The following SLCO1B3 variants were observed in gnomAD, a reference collection of about 807,000 sequenced individuals.
SLCO1B3 encodes solute carrier organic anion transporter family member 1B3.
Under a neutral mutation model 71.8 loss-of-function variants are expected in SLCO1B3, and 72 were observed. That is an observed-to-expected ratio of 1.00 (90% CI 0.83 to 1.22). The LOEUF (loss-of-function observed/expected upper bound fraction) is 1.22. Ranked by LOEUF, SLCO1B3 falls within the 50% of genes most tolerant of loss-of-function variation. The pLI, the probability that SLCO1B3 is intolerant of heterozygous loss-of-function variation, is 0.00. For synonymous variants in SLCO1B3, 298 were observed against 278.4 expected, an observed-to-expected ratio of 1.07 and a Z score of -0.70; for missense variants, 911 against 819.7, an observed-to-expected ratio of 1.11 and a Z score of -1.36.
chr12:20,861,907 A>G (rs984455620), intron 6 of SLCO1B3, among the ~76,000 whole-genome samples: 5 of 151,662 alleles, frequency 3.3e-5, no homozygotes, highest in African/African-American at 4.8e-5. Flanking sequence ...AGGACATTTC[A>G]TAATCACAGC....
intron 3 of SLCO1B3, among the ~76,000 whole-genome samples, chr12:20,826,400 A>G (rs1864422365): frequency 1.3e-5 from 2 of 152,000 alleles, no homozygotes; most frequent in Non-Finnish European, 2.9e-5. Context: ...AAAAAATTAA[A>G]ATCTCTTGTA....
intron 3 of SLCO1B3, among the ~76,000 whole-genome samples, chr12:20,840,785 G>T (rs1864781701): frequency 6.6e-6 from 1 of 152,072 alleles, no homozygotes; most frequent in Non-Finnish European, 1.5e-5. Flanking sequence ...TTTACCTCAG[G>T]TCAGTTAAGC....
At chr12:20,903,094 G>C (rs1052310105) in intron 15 of SLCO1B3, among the ~76,000 whole-genome samples, 29 of 126,890 alleles carry the variant, frequency 2.3e-4, no homozygotes, top group African/African-American at 7.5e-4. Context: ...AAAAATCAAT[G>C]CAAACATCAA....
chr12:20,816,456 G>A (rs183752439), intron 3 of SLCO1B3, among the ~76,000 whole-genome samples: 3 of 152,066 alleles, frequency 2.0e-5, no homozygotes, highest in South Asian at 4.1e-4. Flanking sequence ...AACATGCAAT[G>A]TTTGTCTTTC....
chr12:20,877,086 C>G (rs1004221096), intron 9 of SLCO1B3, among the ~76,000 whole-genome samples: 4 of 152,142 alleles, frequency 2.6e-5, no homozygotes, highest in Non-Finnish European at 5.9e-5. Flanking sequence ...CTGCCTTGGC[C>G]TCCCAAAGTG....
chr12:20,850,255 AT>A (rs1555154814), intron 3 of SLCO1B3, among the ~76,000 whole-genome samples: 9 of 124,396 alleles, frequency 7.2e-5, no homozygotes, highest in Non-Finnish European at 1.2e-4. Context: ...TATTATTATT[AT>A]TTTATTTATT....
intron 3 of SLCO1B3, among the ~76,000 whole-genome samples, chr12:20,825,351 G>A (rs892306818): frequency 3.9e-5 from 6 of 152,110 alleles, no homozygotes; most frequent in Admixed American, 2.0e-4. Context: ...GGGTTCAGCA[G>A]TTTTAATTTC....
At position 20,860,997 on chromosome 12, in the gene SLCO1B3, A is replaced by G; in HGVS notation, c.360-20A>G. 6.5e-7 allele frequency: 1 copy of G among 1,545,974 alleles called. No homozygotes were observed. The highest frequency in any genetic ancestry group is 8.8e-7 in the Non-Finnish European group (1 of 1,142,346). Reference sequence around the variant, plus strand: ...ATTCAGTAGATAAGCAAAATGTTCAATTTCATGTTGCTCTTACAGTTATAG... The same window carrying G: ...ATTCAGTAGATAAGCAAAATGTTCAGTTTCATGTTGCTCTTACAGTTATAG... On this transcript the variant is annotated intron_variant, in intron 5 of 15. Coordinates refer to ENST00000381545, the MANE Select transcript of SLCO1B3 (RefSeq NM_019844.4).
intron 3 of SLCO1B3, among the ~76,000 whole-genome samples, chr12:20,816,608 A>G (rs1864199006): frequency 6.6e-6 from 1 of 152,168 alleles, no homozygotes; most frequent in Admixed American, 6.5e-5. Flanking sequence ...GCTGATGCAC[A>G]CTTACATTGC....
In SLCO1B3 at chr12:20,855,027, G is replaced by A. The variant is rs755205344; in HGVS notation, c.85-1G>A. 1 of 1,608,360 alleles carries A rather than the reference G, an allele frequency of 6.2e-7. No homozygotes were observed. The highest frequency in any genetic ancestry group is 1.3e-5 in the African/African-American group (1 of 74,408). On this transcript the variant is annotated splice_acceptor_variant, in intron 3 of 15. Transcript: ENST00000381545. LOFTEE classifies it high-confidence loss of function. ...TTCATTTTTTCTTCTATTGTTTTTA[G>A]ATGTTCTTGGCAGCCCTGTCATTCA...
At chr12:20,878,795 T>A (rs1468764788) in intron 10 of SLCO1B3, among the ~76,000 whole-genome samples, 1 of 152,142 alleles carries the variant, frequency 6.6e-6, no homozygotes, top group Non-Finnish European at 1.5e-5. Flanking sequence ...GGAAAAAATG[T>A]AACAGGGATC....
chr12:20,827,615 G>A (rs569020719), intron 3 of SLCO1B3, among the ~76,000 whole-genome samples: 11 of 151,706 alleles, frequency 7.3e-5, no homozygotes, highest in African/African-American at 1.2e-4. Flanking sequence ...TCCGTTGCCC[G>A]GGCTGGAGTG....
chr12:20,878,694 TAAA>T (rs1260414945), intron 10 of SLCO1B3, among the ~76,000 whole-genome samples: 1 of 152,150 alleles, frequency 6.6e-6, no homozygotes, highest in African/African-American at 2.4e-5. Context: ...GATTTAAACT[TAAA>T]AGATTCAGTT....
intron 3 of SLCO1B3, among the ~76,000 whole-genome samples, chr12:20,844,189 A>C (rs886931452): frequency 6.6e-6 from 1 of 151,984 alleles, no homozygotes; most frequent in African/African-American, 2.4e-5. Context: ...GTATACCTTA[A>C]ACTTAAAGAT....
intron 4 of SLCO1B3, among the ~76,000 whole-genome samples, chr12:20,856,625 T>G (rs1219508641): frequency 1.3e-5 from 2 of 152,186 alleles, no homozygotes; most frequent in African/African-American, 4.8e-5. Flanking sequence ...AGTGCCCTGA[T>G]GTCATCTCAC....
chr12:20,813,197 C>A lies in SLCO1B3; in HGVS notation c.-180-327C>A, dbSNP rs558490903. ...ATTCATGCATTATCCACTAAATATG[C>A]ATGATATATATTTATGGTTTTTATG... On this transcript the variant is annotated intron_variant, in intron 1 of 15. Coordinates refer to ENST00000381545, the MANE Select transcript of SLCO1B3 (RefSeq NM_019844.4). Among the ~76,000 whole-genome samples the A allele has an allele frequency of 8.5e-5, 13 of 152,212 alleles. No individual in the cohort carries two copies. The East Asian group carries it at 2.3e-3, about 27-fold the overall frequency.
intron 15 of SLCO1B3, among the ~76,000 whole-genome samples, chr12:20,911,732 A>G (rs1866381083): frequency 6.6e-6 from 1 of 152,156 alleles, no homozygotes; most frequent in African/African-American, 2.4e-5. Context: ...GATGTTGTTT[A>G]TGGCATTCCC....
chr12:20,861,864 T>C (rs1363441854), intron 6 of SLCO1B3, among the ~76,000 whole-genome samples: 2 of 152,074 alleles, frequency 1.3e-5, no homozygotes, highest in African/African-American at 4.8e-5. Context: ...ACTTTCTTGA[T>C]TAATCTTAAG....
At chr12:20,829,166 CAG>C (rs1864488035) in intron 3 of SLCO1B3, among the ~76,000 whole-genome samples, 1 of 152,114 alleles carries the variant, frequency 6.6e-6, no homozygotes, top group Non-Finnish European at 1.5e-5. Context: ...GTCAAACAAA[CAG>C]ACAATTGTAC....
Sources: gnomAD v4.1 joint callset for allele counts (sites outside exome capture counted in the v4.1 genomes callset) on GRCh38, gnomAD v4.1.1 for gene constraint, MANE v1.5 for transcripts, NCBI Gene and HGNC (gene_info 2026-07-23, HGNC 2026-07-21) for gene names.